Variants in DMD observed in about 807,000 individuals in gnomAD.
DMD encodes the protein dystrophin, also known as mutant dystrophin.
In DMD, 63 loss-of-function variants were observed where a neutral mutation model predicts 330.1. The observed-to-expected ratio is 0.19, with a 90% CI of 0.16 to 0.24. The LOEUF (loss-of-function observed/expected upper bound fraction) is 0.24, where lower values mean the gene tolerates loss of function less well. DMD is among the 10% of genes least tolerant of loss of function. DMD has a pLI of 1.00. For synonymous variants in DMD, 1,223 were observed against 959.8 expected (o/e 1.27, Z -5.07); for missense variants, 3,344 against 2,684.1 (o/e 1.25, Z -5.43).
intron 44 of DMD, among the ~76,000 whole-genome samples, chrX:32,119,364 A>G (rs916743669): frequency 9.2e-6 from 1 of 108,364 alleles, no homozygotes; most frequent in Non-Finnish European, 1.9e-5. Flanking sequence ...GGATTAGAGC[A>G]CAGAGGATTG....
At chrX:32,736,135 C>A in intron 7 of DMD, among the ~76,000 whole-genome samples, 1 of 112,203 alleles carries the variant, frequency 8.9e-6, no homozygotes, top group Non-Finnish European at 1.9e-5. Context: ...CAAAAGAAGA[C>A]ATTTATGCAG....
intron 57 of DMD, among the ~76,000 whole-genome samples, chrX:31,483,094 T>A (rs762611451): frequency 5.1e-5 from 5 of 98,597 alleles, no homozygotes; most frequent in Admixed American, 2.3e-4. Flanking sequence ...TCGCCCAGGC[T>A]GGAGTGCAGT....
intron 62 of DMD, among the ~76,000 whole-genome samples, chrX:31,280,827 C>T (rs946915237): frequency 5.4e-5 from 6 of 111,749 alleles, no homozygotes; most frequent in Non-Finnish European, 9.4e-5. Context: ...ATTATATCCT[C>T]TCATCCAATA....
chrX:31,689,538 T>C (rs1307341900), intron 52 of DMD, among the ~76,000 whole-genome samples: 30 of 111,574 alleles, frequency 2.7e-4, no homozygotes, highest in African/African-American at 8.2e-4. Context: ...AAAATGGCCA[T>C]ACTGCCCAAG....
At chrX:32,049,950 T>C (rs1350311814) in intron 44 of DMD, among the ~76,000 whole-genome samples, 1 of 111,748 alleles carries the variant, frequency 8.9e-6, no homozygotes, top group Non-Finnish European at 1.9e-5. Context: ...TGACATCTAA[T>C]TGGCAATACA....
intron 44 of DMD, among the ~76,000 whole-genome samples, chrX:32,097,005 T>G (rs2096511831): frequency 9.0e-6 from 1 of 111,661 alleles, no homozygotes; most frequent in East Asian, 2.8e-4. Context: ...GATTCAAGGG[T>G]TCAAGAGTAG....
At chrX:32,997,884 A>G (rs1475884683) in intron 2 of DMD, among the ~76,000 whole-genome samples, 1 of 111,966 alleles carries the variant, frequency 8.9e-6, no homozygotes. Flanking sequence ...TTGGCCACTC[A>G]TAGAGACTCA....
chrX:32,196,341 GA>G (rs1456550182), intron 44 of DMD, among the ~76,000 whole-genome samples: 6 of 112,076 alleles, frequency 5.4e-5, no homozygotes, highest in Non-Finnish European at 9.4e-5. Context: ...CTTGAAGAAA[GA>G]AAACCAGGCT....
chrX:32,744,814 G>A (rs2069766981), intron 7 of DMD, among the ~76,000 whole-genome samples: 1 of 111,721 alleles, frequency 9.0e-6, no homozygotes, highest in Admixed American at 9.5e-5. Context: ...ACCAGTCTCC[G>A]AAAAGATACA....
intron 9 of DMD, among the ~76,000 whole-genome samples, chrX:32,675,088 A>C (rs2147247147): frequency 8.9e-6 from 1 of 111,773 alleles, no homozygotes; most frequent in East Asian, 2.8e-4. Flanking sequence ...CACCAAATCT[A>C]GTTAATTGCT....
intron 17 of DMD, among the ~76,000 whole-genome samples, chrX:32,533,808 C>T (rs748348096): frequency 8.9e-6 from 1 of 111,836 alleles, no homozygotes; most frequent in Non-Finnish European, 1.9e-5. Context: ...ATGACTTGGA[C>T]CCTGTGGGAG....
At chrX:32,421,356 G>T (rs1424618544) in intron 29 of DMD, among the ~76,000 whole-genome samples, 1 of 111,858 alleles carries the variant, frequency 8.9e-6, no homozygotes, top group Non-Finnish European at 1.9e-5. Flanking sequence ...TTGTAGAAAA[G>T]AACTCCTACC....
At chrX:32,652,846 T>A (rs12013514) in intron 9 of DMD, among the ~76,000 whole-genome samples, 12,522 of 111,361 alleles carry the variant, frequency 0.11, 1,667 homozygotes, top group African/African-American at 0.38. Context: ...CTTTTTATTG[T>A]TCACCATTCT....
At chrX:31,386,081 A>T (rs951866257) in intron 60 of DMD, among the ~76,000 whole-genome samples, 9 of 112,331 alleles carry the variant, frequency 8.0e-5, no homozygotes. Flanking sequence ...TTGTAGGGAC[A>T]TGGATGAAGC....
chrX:31,935,179 C>G (rs767730459), intron 45 of DMD, among the ~76,000 whole-genome samples: 2 of 111,468 alleles, frequency 1.8e-5, no homozygotes, highest in Non-Finnish European at 3.8e-5. Context: ...CTCAGTGATT[C>G]TCTCGAAGTC....
At chrX:32,712,249 A>G (rs1316688167) in intron 7 of DMD, among the ~76,000 whole-genome samples, 1 of 111,466 alleles carries the variant, frequency 9.0e-6, no homozygotes, top group Non-Finnish European at 1.9e-5. Context: ...AAACAAACCT[A>G]GACCCTGATT....
chrX:32,549,990 G>A (rs771195033), intron 16 of DMD, among the ~76,000 whole-genome samples: 1 of 112,141 alleles, frequency 8.9e-6, no homozygotes, highest in South Asian at 3.6e-4. Flanking sequence ...TTAACAACTG[G>A]GACACATTCT....
At chrX:32,106,211 G>A (rs1460486406) in intron 44 of DMD, among the ~76,000 whole-genome samples, 1 of 111,609 alleles carries the variant, frequency 9.0e-6, no homozygotes, top group African/African-American at 3.3e-5. Flanking sequence ...CATAAATGAT[G>A]TGTCTTTTAA....
At chrX:31,484,465 T>A (rs924982941) in intron 57 of DMD, among the ~76,000 whole-genome samples, 1 of 111,899 alleles carries the variant, frequency 8.9e-6, no homozygotes. Flanking sequence ...CTCTTCCCCA[T>A]ACCTTTCTTT....
Sources: gnomAD v4.1 joint callset for allele counts (sites outside exome capture counted in the v4.1 genomes callset) on GRCh38, gnomAD v4.1.1 for gene constraint, MANE v1.5 for transcripts, NCBI Gene and HGNC (gene_info 2026-07-23, HGNC 2026-07-21) for gene names.